Variants in RORA observed in about 807,000 individuals in gnomAD.
RORA encodes the protein nuclear receptor ROR-alpha.
RORA carries 7 observed loss-of-function variants against 69.5 expected under a neutral mutation model. The observed-to-expected ratio is 0.10, with a 90% CI of 0.06 to 0.19. The LOEUF is 0.19. Ranked by LOEUF, RORA falls within the 10% of genes least tolerant of loss-of-function variation. RORA has a pLI of 1.00. For missense variants in RORA, 457 were observed against 663.0 expected, an observed-to-expected ratio of 0.69 and a Z score of 3.41; for synonymous variants, 261 against 240.8, an observed-to-expected ratio of 1.08 and a Z score of -0.78.
rs377243000 is a variant in RORA, at chr15:60,838,561, A to G, written c.167-159875T>C. Among the ~76,000 whole-genome samples the G allele has an allele frequency of 9.9e-5, 15 of 152,272 alleles. No individual in the cohort carries two copies. In the East Asian group the frequency reaches 1.7e-3, roughly 18 times the overall value. ...CAGACTGAAAGACCCCTCTTTCTGA[A>G]GTTTTCTTTAGAAAAAAAAGTGGCA... On this transcript the variant is annotated intron_variant, in intron 1 of 10. Coordinates refer to ENST00000335670, the MANE Select transcript of RORA (RefSeq NM_134261.3).
At chr15:61,059,351 C>T (rs946290144) in intron 1 of RORA, among the ~76,000 whole-genome samples, 9 of 152,118 alleles carry the variant, frequency 5.9e-5, no homozygotes, top group African/African-American at 2.2e-4. Context: ...TGTAGATGAT[C>T]TCAGGTATCA....
At chr15:60,838,766 C>G (rs1567209226) in intron 1 of RORA, among the ~76,000 whole-genome samples, 1 of 151,706 alleles carries the variant, frequency 6.6e-6, no homozygotes, top group East Asian at 1.9e-4. Context: ...TAACTCAGTT[C>G]CCCCAGACAA....
At chr15:61,085,345 C>A (rs542423536) in intron 1 of RORA, among the ~76,000 whole-genome samples, 1 of 152,312 alleles carries the variant, frequency 6.6e-6, no homozygotes, top group East Asian at 1.9e-4. Flanking sequence ...CTAGCTGTTT[C>A]ATGGTGGGAA....
intron 1 of RORA, among the ~76,000 whole-genome samples, chr15:60,958,122 C>T (rs1893320401): frequency 6.6e-6 from 1 of 151,918 alleles, no homozygotes; most frequent in Non-Finnish European, 1.5e-5. Flanking sequence ...AAAATCTGAG[C>T]TAGAATTTTG....
At chr15:60,777,784 C>T (rs1018143863) in intron 1 of RORA, among the ~76,000 whole-genome samples, 1 of 152,108 alleles carries the variant, frequency 6.6e-6, no homozygotes, top group African/African-American at 2.4e-5. Context: ...GCAATCTCGG[C>T]AGCACAGGGA....
intron 1 of RORA, among the ~76,000 whole-genome samples, chr15:61,057,799 G>T (rs2140526306): frequency 6.6e-6 from 1 of 152,276 alleles, no homozygotes; most frequent in Middle Eastern, 3.4e-3. Context: ...GGAGAGCAAT[G>T]ATAAATCTAA....
intron 1 of RORA, among the ~76,000 whole-genome samples, chr15:60,896,969 C>G (rs978512650): frequency 8.5e-5 from 13 of 152,210 alleles, no homozygotes; most frequent in African/African-American, 3.1e-4. Context: ...ATGGTCAGGA[C>G]AGAATATCTA....
At chr15:60,590,171 C>CTCTA (rs1184501009) in intron 2 of RORA, among the ~76,000 whole-genome samples, 1 of 110,046 alleles carries the variant, frequency 9.1e-6, no homozygotes, top group South Asian at 3.0e-4. Flanking sequence ...CTCCCTCTTC[C>CTCTA]TCTATCTCTC....
At chr15:60,784,165 T>A (rs1020254733) in intron 1 of RORA, among the ~76,000 whole-genome samples, 1 of 152,216 alleles carries the variant, frequency 6.6e-6, no homozygotes, top group Non-Finnish European at 1.5e-5. Flanking sequence ...TCTAAGATAA[T>A]GTCCTTTCTA....
intron 2 of RORA, chr15:60,600,825 A>G (rs1469742623): frequency 6.6e-6 from 1 of 152,136 alleles, no homozygotes; most frequent in Non-Finnish European, 1.5e-5. Flanking sequence ...ATTATATAAT[A>G]CTGTTACTGT....
intron 1 of RORA, among the ~76,000 whole-genome samples, chr15:61,199,246 G>A (rs779222413): frequency 5.3e-5 from 8 of 150,928 alleles, no homozygotes; most frequent in African/African-American, 9.9e-5. Context: ...GTGCCAATAG[G>A]GGCAGGAAAG....
At chr15:61,141,847 A>G (rs1292495992) in intron 1 of RORA, among the ~76,000 whole-genome samples, 1 of 152,166 alleles carries the variant, frequency 6.6e-6, no homozygotes, top group Admixed American at 6.5e-5. Context: ...CTTTCACGTG[A>G]GCTTGGATTG....
At chr15:61,011,404 T>A (rs535416982) in intron 1 of RORA, among the ~76,000 whole-genome samples, 1 of 152,246 alleles carries the variant, frequency 6.6e-6, no homozygotes, top group Non-Finnish European at 1.5e-5. Flanking sequence ...ATGTTAGGAC[T>A]AATAAAATGA....
At chr15:60,542,868 T>C (rs1225238697) in intron 2 of RORA, among the ~76,000 whole-genome samples, 1 of 144,572 alleles carries the variant, frequency 6.9e-6, no homozygotes, top group Non-Finnish European at 1.5e-5. Context: ...ATACATACAG[T>C]CCACACACAC....
chr15:60,999,291 T>G (rs1894670093), intron 1 of RORA, among the ~76,000 whole-genome samples: 1 of 151,964 alleles, frequency 6.6e-6, no homozygotes, highest in Non-Finnish European at 1.5e-5. Flanking sequence ...TGTGGGAAGT[T>G]TCCCAGGCTC....
chr15:60,801,690 G>C (rs760731138), intron 1 of RORA, among the ~76,000 whole-genome samples: 1 of 152,200 alleles, frequency 6.6e-6, no homozygotes, highest in Non-Finnish European at 1.5e-5. Context: ...GGCACGCCAC[G>C]GTGTGGAATC....
rs2080147881 is a variant in RORA, at chr15:61,226,710, C to T, written c.166+2343G>A. 6.6e-6 allele frequency among the ~76,000 whole-genome samples: 1 copy of T among 152,242 alleles called. No individual in the cohort carries two copies. Among genetic ancestry groups the T allele is most frequent in the Admixed American group, 6.5e-5 (1 of 15,284 alleles). Reference sequence around the variant, plus strand: ...GAAGCTATTACTACTGCTGTGTTAGCTAAAGGATGCCTCCATCTCTGACCT... The same window carrying T: ...GAAGCTATTACTACTGCTGTGTTAGTTAAAGGATGCCTCCATCTCTGACCT... On this transcript the variant is annotated intron_variant, in intron 1 of 10. Coordinates refer to ENST00000335670, the MANE Select transcript of RORA (RefSeq NM_134261.3). This position sits in a 1 kb window ranked among gnomAD's most constrained non-coding sequence, Gnocchi z 4.2.
chr15:60,601,475 ATGT>A (rs1395368378), intron 2 of RORA, among the ~76,000 whole-genome samples: 2 of 152,206 alleles, frequency 1.3e-5, no homozygotes, highest in Non-Finnish European at 2.9e-5. Flanking sequence ...TTGTTAATGG[ATGT>A]TAGATAGGAT....
chr15:60,622,501 A>G (rs1387589213), intron 2 of RORA, among the ~76,000 whole-genome samples: 1 of 151,756 alleles, frequency 6.6e-6, no homozygotes, highest in African/African-American at 2.4e-5. Context: ...AGTCCCAGCT[A>G]CTCAGGAGGC....
Sources: allele counts gnomAD v4.1 joint callset (sites outside exome capture counted in the v4.1 genomes callset), GRCh38; gene constraint gnomAD v4.1.1; non-coding constraint Gnocchi (gnomAD v3.1); transcripts MANE v1.5; gene names NCBI Gene and HGNC (gene_info 2026-07-23, HGNC 2026-07-21).